SGCZ: variants seen among roughly 807,000 people sequenced by gnomAD.
SGCZ encodes the protein sarcoglycan zeta.
In SGCZ, 40 loss-of-function variants were observed where a neutral mutation model predicts 41.3. The ratio of observed to expected loss-of-function variants is 0.97; its 90% CI spans 0.75 to 1.26. The LOEUF is 1.26. Ranked by LOEUF, SGCZ falls within the 50% of genes most tolerant of loss-of-function variation. The probability of loss-of-function intolerance (pLI) is 0.00; values close to 1 mark genes in which losing one functional copy is unlikely to be tolerated. For synonymous variants in SGCZ, 206 were observed against 137.5 expected (o/e 1.50, Z -3.49); for missense variants, 552 against 369.8 (o/e 1.49, Z -4.04).
chr8:14,381,842 GCTTTATGCACA>G (rs1235235644), intron 2 of SGCZ, among the ~76,000 whole-genome samples: 1 of 151,908 alleles, frequency 6.6e-6, no homozygotes, highest in African/African-American at 2.4e-5. Context: ...AAAGCCCTAG[GCTTTATGCACA>G]CTAATTCATT....
At chr8:14,795,362 T>C (rs1231068787) in intron 1 of SGCZ, among the ~76,000 whole-genome samples, 1 of 152,212 alleles carries the variant, frequency 6.6e-6, no homozygotes, top group African/African-American at 2.4e-5. Context: ...TTATAATGTA[T>C]GACTTCAATT....
At chr8:15,077,728 C>T (rs542745465) in intron 1 of SGCZ, among the ~76,000 whole-genome samples, 1 of 152,290 alleles carries the variant, frequency 6.6e-6, no homozygotes, top group East Asian at 1.9e-4. Flanking sequence ...CCTCCTATAC[C>T]TGCACACCAA....
intron 2 of SGCZ, among the ~76,000 whole-genome samples, chr8:14,499,456 T>C (rs1202460914): frequency 6.6e-6 from 1 of 152,052 alleles, no homozygotes; most frequent in Admixed American, 6.6e-5. Context: ...TTGTAGATTA[T>C]TTGCAACATA....
intron 1 of SGCZ, among the ~76,000 whole-genome samples, chr8:14,947,781 G>A (rs367860039): frequency 1.1e-4 from 17 of 152,220 alleles, no homozygotes; most frequent in African/African-American, 3.4e-4. Context: ...AGGGCATCTC[G>A]TTCAGTATAA....
chr8:14,626,541 G>A (rs1563162807), intron 1 of SGCZ, among the ~76,000 whole-genome samples: 1 of 152,140 alleles, frequency 6.6e-6, no homozygotes, highest in African/African-American at 2.4e-5. Context: ...GTCATTGCAA[G>A]TGTAAATATT....
intron 1 of SGCZ, among the ~76,000 whole-genome samples, chr8:14,968,514 T>C (rs751849147): frequency 1.3e-5 from 2 of 152,122 alleles, no homozygotes; most frequent in Admixed American, 6.6e-5. Context: ...AATAGCATAC[T>C]CCATTTTCTT....
At chr8:14,270,416 G>T (rs374608464) in intron 3 of SGCZ, among the ~76,000 whole-genome samples, 1 of 152,144 alleles carries the variant, frequency 6.6e-6, no homozygotes, top group African/African-American at 2.4e-5. Context: ...TTTGAGAAAT[G>T]TGATAGTCCT....
chr8:14,656,355 C>T (rs1446624618), intron 1 of SGCZ, among the ~76,000 whole-genome samples: 1 of 150,602 alleles, frequency 6.6e-6, no homozygotes, highest in East Asian at 2.0e-4. Context: ...TCTCTCCTTC[C>T]TTCTTCCTTT....
At chr8:15,037,105 G>T (rs1350281719) in intron 1 of SGCZ, among the ~76,000 whole-genome samples, 1 of 152,104 alleles carries the variant, frequency 6.6e-6, no homozygotes, top group Non-Finnish European at 1.5e-5. Context: ...GCACGATAAA[G>T]GCTATATATG....
At chr8:14,136,493 A>C (rs958546920) in intron 5 of SGCZ, among the ~76,000 whole-genome samples, 7 of 152,168 alleles carry the variant, frequency 4.6e-5, no homozygotes, top group Non-Finnish European at 7.4e-5. Context: ...ACACCAGTAC[A>C]TTATATCCCA....
At chr8:14,446,135 A>G (rs2117385232) in intron 2 of SGCZ, among the ~76,000 whole-genome samples, 1 of 152,282 alleles carries the variant, frequency 6.6e-6, no homozygotes, top group South Asian at 2.1e-4. Flanking sequence ...AGGGAGAAAA[A>G]GCACTCAGGC....
chr8:14,860,065 T>G (rs1177730842), intron 1 of SGCZ, among the ~76,000 whole-genome samples: 2 of 150,816 alleles, frequency 1.3e-5, no homozygotes, highest in Non-Finnish European at 3.0e-5. Context: ...TTAGGTTCCC[T>G]CTCCACTTTA....
chr8:14,226,790 G>C (rs1286403894), intron 4 of SGCZ, among the ~76,000 whole-genome samples: 3 of 152,084 alleles, frequency 2.0e-5, no homozygotes, highest in Admixed American at 6.6e-5. Context: ...TGTGTTTTTA[G>C]AAAGGTGTAA....
At chr8:14,877,073 A>G (rs1804389583) in intron 1 of SGCZ, among the ~76,000 whole-genome samples, 2 of 152,114 alleles carry the variant, frequency 1.3e-5, no homozygotes, top group Non-Finnish European at 1.5e-5. Context: ...TCCCGGGTTC[A>G]AGCAATTCCC....
intron 1 of SGCZ, among the ~76,000 whole-genome samples, chr8:14,631,623 C>T (rs780985988): frequency 8.5e-5 from 13 of 152,084 alleles, no homozygotes; most frequent in Non-Finnish European, 1.5e-4. Flanking sequence ...GTATGTCTCC[C>T]ACCCACCTCC....
At chr8:15,019,363 T>C (rs1803164332) in intron 1 of SGCZ, among the ~76,000 whole-genome samples, 1 of 152,196 alleles carries the variant, frequency 6.6e-6, no homozygotes, top group South Asian at 2.1e-4. Flanking sequence ...CGTGGATCTG[T>C]GGCGTATGCA....
At chr8:14,789,371 G>T (rs1311211066) in intron 1 of SGCZ, among the ~76,000 whole-genome samples, 2 of 152,110 alleles carry the variant, frequency 1.3e-5, no homozygotes, top group South Asian at 4.1e-4. Flanking sequence ...ACTCTACACA[G>T]GCACATGTCT....
intron 1 of SGCZ, among the ~76,000 whole-genome samples, chr8:15,182,460 C>G (rs1186824613): frequency 6.6e-6 from 1 of 152,174 alleles, no homozygotes; most frequent in South Asian, 2.1e-4. Context: ...TACTCCTAGG[C>G]TACAAACATG....
chr8:15,172,167 T>TATTTTTTTATTTA (rs1445609095), intron 1 of SGCZ, among the ~76,000 whole-genome samples: 26 of 132,456 alleles, frequency 2.0e-4, no homozygotes, highest in African/African-American at 6.6e-4. Context: ...TTTTTTTTTT[T>TATTTTTTTATTTA]TTTTTTTTTT....
Sources: allele counts gnomAD v4.1 joint callset (sites outside exome capture counted in the v4.1 genomes callset), GRCh38; gene constraint gnomAD v4.1.1; transcripts MANE v1.5; gene names NCBI Gene and HGNC (gene_info 2026-07-23, HGNC 2026-07-21).